CADM2: variants seen among roughly 807,000 people sequenced by gnomAD.
CADM2 encodes immunoglobulin superfamily member 4D.
In CADM2, 12 loss-of-function variants were observed where a neutral mutation model predicts 49.8. That is an observed-to-expected ratio of 0.24 (90% CI 0.15 to 0.39). CADM2 has a LOEUF of 0.39. CADM2 is among the 10% of genes least tolerant of loss of function. The pLI, the probability that CADM2 is intolerant of heterozygous loss-of-function variation, is 1.00. For missense variants in CADM2, 378 were observed against 492.3 expected (o/e 0.77, Z 2.20); for synonymous variants, 214 against 175.4 (o/e 1.22, Z -1.74).
At chr3:85,683,822 T>G (rs2066109997) in intron 1 of CADM2, among the ~76,000 whole-genome samples, 1 of 152,174 alleles carries the variant, frequency 6.6e-6, no homozygotes, top group Non-Finnish European at 1.5e-5. Flanking sequence ...TTTTTGTCTT[T>G]TTCTCCTACA....
At chr3:86,044,040 C>T (rs112505439) in intron 8 of CADM2, among the ~76,000 whole-genome samples, 9,984 of 152,190 alleles carry the variant, frequency 0.066, 873 homozygotes, top group African/African-American at 0.2. Flanking sequence ...CCCTTCCTTA[C>T]ACCTTATACA....
chr3:86,065,530 C>T (rs1005346179), intron 8 of CADM2, 75 bp from the exon 9 acceptor site: 29 of 1,440,836 alleles, frequency 2.0e-5, no homozygotes, highest in Non-Finnish European at 2.6e-5. Context: ...TTCAAAATAA[C>T]TCATTCTAAT....
chr3:85,251,591 ACT>A (rs920871560), intron 1 of CADM2, among the ~76,000 whole-genome samples: 2 of 151,854 alleles, frequency 1.3e-5, no homozygotes, highest in African/African-American at 4.8e-5. Flanking sequence ...TAAAGATAAA[ACT>A]CTGGATTATT....
At chr3:85,327,911 C>T (rs1180504516) in intron 1 of CADM2, among the ~76,000 whole-genome samples, 3 of 152,126 alleles carry the variant, frequency 2.0e-5, no homozygotes, top group Admixed American at 1.3e-4. Flanking sequence ...CTTCTGATCC[C>T]TCATACTATC....
intron 1 of CADM2, among the ~76,000 whole-genome samples, chr3:85,439,069 A>G (rs972959839): frequency 2.6e-5 from 4 of 151,976 alleles, no homozygotes; most frequent in African/African-American, 9.7e-5. Context: ...ATTATCATGT[A>G]ACTGGAATTC....
At chr3:85,978,309 T>TAG (rs1419548201) in intron 8 of CADM2, among the ~76,000 whole-genome samples, 6,152 of 151,678 alleles carry the variant, frequency 0.041, 404 homozygotes, top group African/African-American at 0.14. Context: ...AACACTATTC[T>TAG]TTCTGGGTTT....
At chr3:85,877,684 G>GTTTTTTTTTTTTTTTTCTTTTTTTT (rs1712097795) in intron 3 of CADM2, among the ~76,000 whole-genome samples, 1 of 112,026 alleles carries the variant, frequency 8.9e-6, no homozygotes, top group African/African-American at 3.3e-5. Context: ...TTTTTCTTCT[G>GTTTTTTTTTTTTTTTTCTTTTTTTT]TTTTTTTTTT....
intron 1 of CADM2, among the ~76,000 whole-genome samples, chr3:85,690,500 G>A (rs922798839): frequency 2.0e-5 from 3 of 151,934 alleles, no homozygotes; most frequent in African/African-American, 7.3e-5. Flanking sequence ...TGGGGGTGGG[G>A]GGAGTCAAGA....
intron 8 of CADM2, among the ~76,000 whole-genome samples, chr3:85,978,237 T>A (rs1727034573): frequency 6.6e-6 from 1 of 151,632 alleles, no homozygotes; most frequent in South Asian, 2.1e-4. Flanking sequence ...TTCAATGTTC[T>A]CTGTGCTGCT....
In CADM2 at chr3:85,723,611, T is replaced by C. The variant is rs1053674216; in HGVS notation, c.62-2911T>C. Among the ~76,000 whole-genome samples the C allele has an allele frequency of 1.1e-4, 17 of 152,094 alleles. 1 individual carries two copies. Among genetic ancestry groups the C allele is most frequent in the Non-Finnish European group, 2.1e-4 (14 of 67,966 alleles). On this transcript the variant is annotated intron_variant, in intron 1 of 9. Coordinates refer to ENST00000383699, the MANE Select transcript of CADM2 (RefSeq NM_001167675.2). ...TACAGAAACAGGCATAGAGCTTTTGTTTTTCTTTCTATTCTATGTTGGTAC... is the reference window on the plus strand; with the variant it reads ...TACAGAAACAGGCATAGAGCTTTTGCTTTTCTTTCTATTCTATGTTGGTAC...
rs1739869280 is a variant in CADM2, at chr3:86,071,580, C to T, written c.*4797C>T. ...TTCTACCTCTCACTTTTAACATGGG[C>T]TATGATACTTCAATATAAATAGAGG... On this transcript the variant is annotated 3_prime_UTR_variant, in exon 10 of 10. Coordinates refer to ENST00000383699, the MANE Select transcript of CADM2 (RefSeq NM_001167675.2). The T allele has an allele frequency of 6.6e-6, 1 of 151,966 alleles. No individual in the cohort carries two copies. The highest frequency in any genetic ancestry group is 1.9e-4 in the East Asian group (1 of 5,176). The allele number at this position is 151,966 out of a possible 1,614,324, so 9.4% of individuals were successfully genotyped here.
chr3:85,105,817 C>T (rs1184858728), intron 1 of CADM2, among the ~76,000 whole-genome samples: 1 of 151,980 alleles, frequency 6.6e-6, no homozygotes, highest in Non-Finnish European at 1.5e-5. Context: ...AATTGGAAAT[C>T]ATCATTCTCA....
intron 1 of CADM2, among the ~76,000 whole-genome samples, chr3:85,098,362 CA>C (rs2037883301): frequency 6.6e-6 from 1 of 151,612 alleles, no homozygotes; most frequent in Non-Finnish European, 1.5e-5. Flanking sequence ...AAAATATGAC[CA>C]AAGTTAAGAA....
At chr3:85,859,956 T>C (rs998702515) in intron 3 of CADM2, among the ~76,000 whole-genome samples, 1 of 152,210 alleles carries the variant, frequency 6.6e-6, no homozygotes, top group Non-Finnish European at 1.5e-5. Flanking sequence ...TGAGATTTTT[T>C]CCCATTTCCA....
intron 1 of CADM2, among the ~76,000 whole-genome samples, chr3:85,233,593 C>T (rs1323491903): frequency 6.6e-6 from 1 of 152,076 alleles, no homozygotes; most frequent in Non-Finnish European, 1.5e-5. Context: ...TTTAGACTCA[C>T]TTTTATAACC....
chr3:86,055,936 G>A (rs777962845), intron 8 of CADM2, among the ~76,000 whole-genome samples: 1 of 152,166 alleles, frequency 6.6e-6, no homozygotes, highest in Non-Finnish European at 1.5e-5. Flanking sequence ...AGCTTAAAAA[G>A]AGACTACTAT....
chr3:86,014,371 G>A (rs1313636516), intron 8 of CADM2: 1 of 1,433,706 alleles, frequency 7.0e-7, no homozygotes, highest in African/African-American at 1.4e-5. Context: ...TTTGCAGCTG[G>A]TAGCTTGACT....
At chr3:85,928,449 G>T (rs183262723) in intron 6 of CADM2, among the ~76,000 whole-genome samples, 16 of 151,978 alleles carry the variant, frequency 1.1e-4, no homozygotes, top group Admixed American at 2.6e-4. Flanking sequence ...GAGCCACCAC[G>T]CCCAGTCAAA....
intron 3 of CADM2, among the ~76,000 whole-genome samples, chr3:85,871,109 A>G (rs1577524809): frequency 6.6e-6 from 1 of 152,244 alleles, no homozygotes; most frequent in Admixed American, 6.5e-5. Context: ...GACAACCTAC[A>G]GAATGGGATA....
Sources: gnomAD v4.1 joint callset for allele counts (sites outside exome capture counted in the v4.1 genomes callset) on GRCh38, gnomAD v4.1.1 for gene constraint, MANE v1.5 for transcripts, NCBI Gene and HGNC (gene_info 2026-07-23, HGNC 2026-07-21) for gene names.